Variants in SMAP2 observed in about 807,000 individuals in gnomAD.
The protein encoded by SMAP2 is small ArfGAP2.
SMAP2 carries 25 observed loss-of-function variants against 56.4 expected under a neutral mutation model. The observed-to-expected ratio is 0.44, with a 90% CI of 0.32 to 0.62. The LOEUF (loss-of-function observed/expected upper bound fraction) is 0.62, where lower values mean the gene tolerates loss of function less well. SMAP2 is among the 20% of genes least tolerant of loss of function. SMAP2 has a pLI of 0.04. For missense variants in SMAP2, 388 were observed against 545.6 expected (o/e 0.71, Z 2.88); for synonymous variants, 157 against 181.7 (o/e 0.86, Z 1.09).
chr1:40,375,826 A>ACCCC, intron 1 of SMAP2: 1 of 816,140 alleles, frequency 1.2e-6, no homozygotes, highest in Non-Finnish European at 1.5e-6. Context: ...GGTGACTAGA[A>ACCCC]CCCCCCCCCC....
At chr1:40,393,645 A>C (rs1311519361) in intron 1 of SMAP2, 1 of 725,130 alleles carries the variant, frequency 1.4e-6, no homozygotes, top group Non-Finnish European at 2.2e-6. Flanking sequence ...TCCCAGGTTC[A>C]AGCGATTCCC....
At chr1:40,403,717 T>C (rs1557448922) in intron 1 of SMAP2, 2 of 888,750 alleles carry the variant, frequency 2.3e-6, no homozygotes, top group African/African-American at 1.8e-5. Flanking sequence ...GTACACGTTT[T>C]ATAGATGAGG....
At chr1:40,355,176 A>G (rs1158346799) in intron 1 of SMAP2, among the ~76,000 whole-genome samples, 1 of 152,164 alleles carries the variant, frequency 6.6e-6, no homozygotes, top group Non-Finnish European at 1.5e-5. Context: ...ATTAATGGCC[A>G]TTAATAGAAA....
chr1:40,364,307 A>G (rs1249069109), intron 2 of SMAP2, among the ~76,000 whole-genome samples: 1 of 152,142 alleles, frequency 6.6e-6, no homozygotes, highest in Admixed American at 6.5e-5. Flanking sequence ...GAAAAAAAAG[A>G]GGGCAAGCAA....
At position 40,416,797 on chromosome 1, in the gene SMAP2, G is replaced by T. The variant is rs34845213; in HGVS notation, c.865G>T (p.Ala289Ser). ...MPTQAMFMAPAQMAYPTAYPS... is the reference protein window; with the variant it reads ...MPTQAMFMAPSQMAYPTAYPS... ...CTTGGCAGCAATGTTCATGGCTCCCGCTCAGATGGCATATCCCACAGCCTA... is the reference window on the plus strand; with the variant it reads ...CTTGGCAGCAATGTTCATGGCTCCCTCTCAGATGGCATATCCCACAGCCTA... The change falls in exon 9 of 10, where the codon GCT (alanine) becomes TCT (serine). Residue 289 changes from alanine (A) to serine (S), a missense_variant. By Grantham distance (99) the Ala-to-Ser change is moderately conservative. Coordinates refer to ENST00000372718, the MANE Select transcript of SMAP2 (RefSeq NM_022733.3). 7 of 1,602,592 alleles carry T rather than the reference G, an allele frequency of 4.4e-6. No homozygotes were observed. Among genetic ancestry groups the T allele is most frequent in the Non-Finnish European group, 6.0e-6 (7 of 1,170,660 alleles).
At chr1:40,391,737 AG>A (rs1644719249) in intron 1 of SMAP2, among the ~76,000 whole-genome samples, 2 of 152,166 alleles carry the variant, frequency 1.3e-5, no homozygotes. Flanking sequence ...TTCTAAACAT[AG>A]GCCCTTTCCC....
intron 1 of SMAP2, among the ~76,000 whole-genome samples, chr1:40,379,349 T>C (rs972885234): frequency 6.6e-6 from 1 of 152,144 alleles, no homozygotes; most frequent in African/African-American, 2.4e-5. Context: ...ATATATTCCT[T>C]TGCAGTGCTT....
intron 6 of SMAP2, among the ~76,000 whole-genome samples, chr1:40,414,634 G>A (rs1259715543): frequency 6.6e-6 from 1 of 152,166 alleles, no homozygotes; most frequent in Non-Finnish European, 1.5e-5. Flanking sequence ...TTAGCCCCAT[G>A]CCTGGCACAT....
intron 1 of SMAP2, among the ~76,000 whole-genome samples, chr1:40,389,388 C>T (rs142494704): frequency 6.6e-6 from 1 of 152,228 alleles, no homozygotes; most frequent in Admixed American, 6.5e-5. Flanking sequence ...ATACTTAATG[C>T]ACGGTGTCTG....
intron 1 of SMAP2, among the ~76,000 whole-genome samples, chr1:40,345,857 T>G: frequency 7.1e-6 from 1 of 140,574 alleles, no homozygotes; most frequent in Middle Eastern, 3.6e-3. Flanking sequence ...TCTTATATAT[T>G]ATATTATATT....
At position 40,385,101 on chromosome 1, in the gene SMAP2, C is replaced by T. The variant is rs1369255238; in HGVS notation, c.103+10878C>T. 3.3e-5 allele frequency among the ~76,000 whole-genome samples: 5 copies of T among 152,124 alleles called. No homozygotes were observed. Among genetic ancestry groups the T allele is most frequent in the Non-Finnish European group, 5.9e-5 (4 of 68,012 alleles). ...TGCCTCAGCTGTGGCCATCCGTCAGCGTAAGGTTGCTCTGGTGGTCGTCTT... is the reference window on the plus strand; with the variant it reads ...TGCCTCAGCTGTGGCCATCCGTCAGTGTAAGGTTGCTCTGGTGGTCGTCTT... On this transcript the variant is annotated intron_variant, in intron 1 of 9. Coordinates refer to ENST00000372718, the MANE Select transcript of SMAP2 (RefSeq NM_022733.3). This position sits in a 1 kb window ranked among gnomAD's most constrained non-coding sequence, Gnocchi z 4.5.
chr1:40,391,630 C>T (rs1165640927), intron 1 of SMAP2, among the ~76,000 whole-genome samples: 3 of 152,070 alleles, frequency 2.0e-5, no homozygotes, highest in South Asian at 4.1e-4. Context: ...GAAAAAAATT[C>T]CTCGTCAAAG....
chr1:40,387,561 G>A (rs559577271), intron 1 of SMAP2, among the ~76,000 whole-genome samples: 24 of 152,208 alleles, frequency 1.6e-4, no homozygotes, highest in Non-Finnish European at 3.1e-4. Context: ...GGCAAGGAAT[G>A]GGGAATTCGG....
At position 40,401,404 on chromosome 1, in the gene SMAP2, G is replaced by A. The variant is rs181249506; in HGVS notation, c.104-5332G>A. On this transcript the variant is annotated intron_variant, in intron 1 of 9. Coordinates refer to ENST00000372718, the MANE Select transcript of SMAP2 (RefSeq NM_022733.3). Reference sequence around the variant, plus strand: ...GAAGATGGGAAAGTTCTCTCCCTTCGCGTAGCCTGCCCGTTGAACTTTTTG... The same window carrying A: ...GAAGATGGGAAAGTTCTCTCCCTTCACGTAGCCTGCCCGTTGAACTTTTTG... Among the ~76,000 whole-genome samples, 22 of 152,278 alleles carry A rather than the reference G, an allele frequency of 1.4e-4. No individual in the cohort carries two copies. In the East Asian group the frequency reaches 4.2e-3, roughly 29 times the overall value.
At chr1:40,390,641 A>G (rs1644706480) in intron 1 of SMAP2, among the ~76,000 whole-genome samples, 1 of 152,208 alleles carries the variant, frequency 6.6e-6, no homozygotes, top group Non-Finnish European at 1.5e-5. Context: ...ATAATAAAAA[A>G]AAGAATACCT....
chr1:40,370,856 T>TAAA (rs57519270), upstream of SMAP2, among the ~76,000 whole-genome samples: 136 of 132,518 alleles, frequency 1.0e-3, 2 homozygotes, highest in African/African-American at 3.4e-3. Flanking sequence ...TAAAGTATAA[T>TAAA]AAAAAAAAAA....
At chr1:40,349,142 TA>T (rs1450397908) in intron 1 of SMAP2, among the ~76,000 whole-genome samples, 36 of 152,234 alleles carry the variant, frequency 2.4e-4, no homozygotes, top group African/African-American at 8.4e-4. Flanking sequence ...TTTAATTTAC[TA>T]AATTCTCTCA....
In SMAP2 at chr1:40,357,256, ACCAG is replaced by A. The variant is rs200886867; in HGVS notation, c.-82-5041_-82-5038del. Among the ~76,000 whole-genome samples, 1,404 of 152,172 alleles carry A rather than the reference ACCAG, an allele frequency of 9.2e-3. 10 individuals are homozygous for A. The highest frequency in any genetic ancestry group is 0.014 in the Non-Finnish European group (942 of 68,008). On this transcript the variant is annotated intron_variant, in intron 1 of 6. Coordinates refer to the SMAP2 transcript ENST00000435168. Reference sequence around the variant, plus strand: ...GATCACCTGAGGTCAGGAGTTCGAGACCAGCCTGGACAACATGGTGAAACCCCAT... The same window carrying A: ...GATCACCTGAGGTCAGGAGTTCGAGACCTGGACAACATGGTGAAACCCCAT...
Position 40,416,926 on chromosome 1 carries a change from C to T in SMAP2, c.994C>T (p.Pro332Ser), listed in dbSNP as rs1180862306. The T allele has an allele frequency of 6.2e-7, 1 of 1,614,066 alleles. No individual in the cohort carries two copies. The highest frequency in any genetic ancestry group is 8.5e-7 in the Non-Finnish European group (1 of 1,180,036). Residue 332 changes from proline (P) to serine (S), a missense_variant, in exon 9 of 10, where the codon CCC (proline) becomes TCC (serine). Coordinates refer to ENST00000372718, the MANE Select transcript of SMAP2 (RefSeq NM_022733.3). ...AQPGASGMVAPMAMPAGYMGG... is the reference protein window; with the variant it reads ...AQPGASGMVASMAMPAGYMGG... ...GCCAGGAGCTTCTGGGATGGTTGCCCCCATGGCCATGCCTGCAGGCTATAT... is the reference window on the plus strand; with the variant it reads ...GCCAGGAGCTTCTGGGATGGTTGCCTCCATGGCCATGCCTGCAGGCTATAT...
Sources: gnomAD v4.1 joint callset for allele counts (sites outside exome capture counted in the v4.1 genomes callset) on GRCh38, gnomAD v4.1.1 for gene constraint, Gnocchi (gnomAD v3.1) non-coding constraint, MANE v1.5 for transcripts, NCBI Gene and HGNC (gene_info 2026-07-23, HGNC 2026-07-21) for gene names.